The following HORMAD2 variants were observed in gnomAD, a reference collection of about 807,000 sequenced individuals.
HORMAD2 encodes the protein HORMA domain containing 2, also known as HORMA domain-containing protein 2.
In HORMAD2, 45 loss-of-function variants were observed where a neutral mutation model predicts 38.8. That is an observed-to-expected ratio of 1.16 (90% confidence interval 0.91 to 1.49). The LOEUF (loss-of-function observed/expected upper bound fraction) is 1.49. Among genes scored for constraint, HORMAD2 ranks in the 40% most tolerant of loss-of-function variants. HORMAD2 has a pLI of 0.00. For synonymous variants in HORMAD2, 126 were observed against 122.8 expected (o/e 1.03, Z -0.17); for missense variants, 338 against 367.0 (o/e 0.92, Z 0.65).
At chr22:30,177,953 T>G (rs1420460602), downstream of HORMAD2, among the ~76,000 whole-genome samples, 1 of 151,998 alleles carries the variant, frequency 6.6e-6, no homozygotes, top group African/African-American at 2.4e-5. Flanking sequence ...GTGCTAGGAT[T>G]ACAGGCATGA....
At chr22:30,167,485 G>C (rs1028484370) in intron 10 of HORMAD2, among the ~76,000 whole-genome samples, 2 of 152,128 alleles carry the variant, frequency 1.3e-5, no homozygotes, top group Non-Finnish European at 2.9e-5. Flanking sequence ...TGAATGACTT[G>C]CACATGTGAG....
intron 10 of HORMAD2, among the ~76,000 whole-genome samples, chr22:30,150,759 T>C (rs1462787007): frequency 6.6e-6 from 1 of 152,208 alleles, no homozygotes; most frequent in Non-Finnish European, 1.5e-5. Context: ...CAAATAGAGA[T>C]AGAGGACTGA....
intron 10 of HORMAD2, among the ~76,000 whole-genome samples, chr22:30,136,502 ATT>A (rs944214808): frequency 2.6e-5 from 4 of 151,978 alleles, no homozygotes; most frequent in Admixed American, 2.6e-4. Context: ...TCATTAATCT[ATT>A]TTCTGTCTCC....
chr22:30,095,508 C>T (rs998282553), intron 2 of HORMAD2, among the ~76,000 whole-genome samples: 2 of 152,120 alleles, frequency 1.3e-5, no homozygotes, highest in African/African-American at 4.8e-5. Flanking sequence ...AAAAGTCAGA[C>T]TTTATCTGCA....
chr22:30,150,572 G>A (rs1924688368), intron 10 of HORMAD2, among the ~76,000 whole-genome samples: 1 of 152,152 alleles, frequency 6.6e-6, no homozygotes, highest in Admixed American at 6.5e-5. Flanking sequence ...TCACATTAAA[G>A]AGTGGGGGAA....
intron 1 of HORMAD2, among the ~76,000 whole-genome samples, chr22:30,085,018 C>T (rs1257414090): frequency 3.3e-5 from 5 of 151,848 alleles, no homozygotes; most frequent in Non-Finnish European, 7.4e-5. Context: ...TGGTGGCAGT[C>T]GCCTGTAGTC....
intron 10 of HORMAD2, among the ~76,000 whole-genome samples, chr22:30,136,050 G>A (rs1923629289): frequency 1.3e-5 from 2 of 152,068 alleles, no homozygotes; most frequent in South Asian, 2.1e-4. Flanking sequence ...TACAATGATA[G>A]CCTATGTTTA....
intron 1 of HORMAD2, among the ~76,000 whole-genome samples, chr22:30,081,774 A>T (rs191500208): frequency 4.0e-5 from 6 of 151,828 alleles, no homozygotes; most frequent in Non-Finnish European, 8.8e-5. Flanking sequence ...TTTAGTAGAG[A>T]CAGGGTTTCA....
chr22:30,083,162 G>C (rs137858309), intron 1 of HORMAD2, among the ~76,000 whole-genome samples: 58 of 151,900 alleles, frequency 3.8e-4, no homozygotes, highest in Non-Finnish European at 7.7e-4. Flanking sequence ...AGCTACTTAG[G>C]AGGCTGAGGT....
chr22:30,095,523 G>T (rs5763766), intron 2 of HORMAD2, among the ~76,000 whole-genome samples: 1 of 152,004 alleles, frequency 6.6e-6, no homozygotes, highest in Non-Finnish European at 1.5e-5. Flanking sequence ...TCTGCACTCC[G>T]CCTTCAAAGA....
chr22:30,132,041 T>C (rs1056895149), intron 10 of HORMAD2, among the ~76,000 whole-genome samples: 6 of 152,222 alleles, frequency 3.9e-5, no homozygotes, highest in Non-Finnish European at 7.3e-5. Context: ...GTATTTCAGA[T>C]AGTAGATTAA....
chr22:30,185,387 G>A, the HORMAD2 span, among the ~76,000 whole-genome samples: 1 of 152,124 alleles, frequency 6.6e-6, no homozygotes, highest in African/African-American at 2.4e-5. Context: ...AGGCCCACAG[G>A]GAAGCTGTTT....
intron 7 of HORMAD2, among the ~76,000 whole-genome samples, chr22:30,112,955 T>C (rs1921773401): frequency 6.6e-6 from 1 of 152,140 alleles, no homozygotes; most frequent in African/African-American, 2.4e-5. Flanking sequence ...ATGGCATAAC[T>C]CTAATTTTCA....
chr22:30,181,737 C>T (rs1926728621), downstream of HORMAD2, among the ~76,000 whole-genome samples: 1 of 152,188 alleles, frequency 6.6e-6, no homozygotes. Context: ...GAGGACATCC[C>T]AGGGATGCGG....
At chr22:30,124,262 C>G (rs1922677050) in intron 10 of HORMAD2, among the ~76,000 whole-genome samples, 1 of 89,192 alleles carries the variant, frequency 1.1e-5, no homozygotes, top group Admixed American at 1.3e-4. Context: ...ATGGAACACA[C>G]ACACACACAC....
chr22:30,104,104 C>G (rs1432829378), intron 4 of HORMAD2, among the ~76,000 whole-genome samples: 1 of 151,832 alleles, frequency 6.6e-6, no homozygotes, highest in Admixed American at 6.6e-5. Flanking sequence ...ATATATACAC[C>G]TATTATGTAC....
At chr22:30,147,102 T>C (rs1924464648) in intron 10 of HORMAD2, among the ~76,000 whole-genome samples, 1 of 152,206 alleles carries the variant, frequency 6.6e-6, no homozygotes, top group South Asian at 2.1e-4. Flanking sequence ...AGTGAGATGT[T>C]AATTTTCCCC....
intron 4 of HORMAD2, 148 bp downstream of exon 4, chr22:30,103,648 GATTTTT>G: frequency 1.4e-5 from 1 of 73,294 alleles, no homozygotes; most frequent in Non-Finnish European, 2.3e-5. Context: ...TTCTGTTTTT[GATTTTT>G]TTTTTTTTTT....
chr22:30,168,227 A>G (rs1601595081), intron 10 of HORMAD2, among the ~76,000 whole-genome samples: 1 of 152,356 alleles, frequency 6.6e-6, no homozygotes. Flanking sequence ...TTCTAAGCAG[A>G]TGACCTAAAC....
Sources: gnomAD v4.1 joint callset for allele counts (sites outside exome capture counted in the v4.1 genomes callset) on GRCh38, gnomAD v4.1.1 for gene constraint, MANE v1.5 for transcripts, NCBI Gene and HGNC (gene_info 2026-07-23, HGNC 2026-07-21) for gene names.